The following FHIT variants were observed in gnomAD, a reference collection of about 807,000 sequenced individuals.
The protein encoded by FHIT is bis(5'-adenosyl)-triphosphatase.
A neutral mutation model predicts 17.9 loss-of-function variants in FHIT; 19 were observed. The observed-to-expected ratio is 1.06, with a 90% CI of 0.74 to 1.56. The LOEUF (loss-of-function observed/expected upper bound fraction) is 1.56. Among genes scored for constraint, FHIT ranks in the 40% most tolerant of loss-of-function variants. The pLI is 0.00. For synonymous variants in FHIT, 81 were observed against 69.7 expected (o/e 1.16, Z -0.81); for missense variants, 248 against 189.2 (o/e 1.31, Z -1.82).
chr3:59,979,370 ATATT>A (rs1708550994), intron 7 of FHIT, among the ~76,000 whole-genome samples: 1 of 152,126 alleles, frequency 6.6e-6, no homozygotes, highest in African/African-American at 2.4e-5. Flanking sequence ...TTCTTATCAC[ATATT>A]TTGCATGTGT....
chr3:60,016,437 G>C lies in FHIT; in HGVS notation c.104-2285C>G, dbSNP rs9883950. Among the ~76,000 whole-genome samples the C allele has an allele frequency of 3.0e-3, 452 of 152,254 alleles. 1 individual carries two copies. Among genetic ancestry groups the C allele is most frequent in the Non-Finnish European group, 3.8e-3 (258 of 68,002 alleles). On this transcript the variant is annotated intron_variant, in intron 5 of 9. Coordinates refer to ENST00000492590, the MANE Select transcript of FHIT (RefSeq NM_002012.4). ...TAAACTGGACTTTAAAAATTGGGGA[G>C]TGATTTAACCAGTGGATTGGGCTGG...
chr3:60,065,994 G>C (rs982209175), intron 5 of FHIT, among the ~76,000 whole-genome samples: 1 of 152,118 alleles, frequency 6.6e-6, no homozygotes, highest in African/African-American at 2.4e-5. Context: ...ACCTCCAGGA[G>C]GTCTTCTTGT....
At chr3:60,159,305 G>A (rs541414417) in intron 5 of FHIT, among the ~76,000 whole-genome samples, 1 of 152,226 alleles carries the variant, frequency 6.6e-6, no homozygotes, top group South Asian at 2.1e-4. Context: ...ATTTTTAGCA[G>A]AGACAGGGTT....
intron 5 of FHIT, among the ~76,000 whole-genome samples, chr3:60,085,857 G>C (rs1703472239): frequency 1.3e-5 from 2 of 152,208 alleles, no homozygotes; most frequent in Non-Finnish European, 2.9e-5. Flanking sequence ...TCTTTGGAAA[G>C]TCCCTCACAC....
chr3:59,873,430 G>A (rs955133847), intron 8 of FHIT, among the ~76,000 whole-genome samples: 1 of 152,124 alleles, frequency 6.6e-6, no homozygotes, highest in Non-Finnish European at 1.5e-5. Flanking sequence ...AGCCTTGAAT[G>A]GCCAATTAAC....
intron 5 of FHIT, among the ~76,000 whole-genome samples, chr3:60,127,595 T>C (rs564239767): frequency 1.3e-5 from 2 of 152,166 alleles, no homozygotes; most frequent in African/African-American, 4.8e-5. Context: ...GAACATTTTA[T>C]TTATTTTTTA....
At position 60,454,545 on chromosome 3, in the gene FHIT, C is replaced by A. The variant is rs59262204; in HGVS notation, c.103+82315G>T. On this transcript the variant is annotated intron_variant, in intron 5 of 9. Transcript: ENST00000492590. ...GACTACAGGCACCTGCCACCACACC[C>A]GGCTAATTTTTGGTATTTTTAGTAG... is the stretch of plus-strand genomic sequence containing the variant. Among the ~76,000 whole-genome samples, 706 of 151,968 alleles carry A rather than the reference C, an allele frequency of 4.6e-3. 10 individuals carry two copies. Among genetic ancestry groups the A allele is most frequent in the Middle Eastern group, 0.017 (5 of 294 alleles).
At chr3:60,171,189 T>TC (rs1450448883) in intron 5 of FHIT, among the ~76,000 whole-genome samples, 2 of 151,748 alleles carry the variant, frequency 1.3e-5, no homozygotes, top group Non-Finnish European at 2.9e-5. Context: ...AGGGATGCTA[T>TC]TTTTTTTTAA....
chr3:60,910,410 CTTTT>C (rs539012384), intron 3 of FHIT, among the ~76,000 whole-genome samples: 6 of 138,132 alleles, frequency 4.3e-5, no homozygotes, highest in Admixed American at 2.9e-4. Context: ...GTCTTTCTCT[CTTTT>C]TTTTTTTTTT....
chr3:59,927,611 C>A (rs1359073942), intron 7 of FHIT, among the ~76,000 whole-genome samples: 1 of 151,966 alleles, frequency 6.6e-6, no homozygotes, highest in East Asian at 1.9e-4. Flanking sequence ...ACTAAAAATA[C>A]ACAAAAAGTT....
At chr3:60,568,747 T>G (rs1055462160) in intron 4 of FHIT, among the ~76,000 whole-genome samples, 35 of 152,268 alleles carry the variant, frequency 2.3e-4, no homozygotes, top group African/African-American at 6.5e-4. Flanking sequence ...CCATTTTTAA[T>G]GAATTCCCTT....
At chr3:59,819,730 C>G (rs534093846) in intron 8 of FHIT, among the ~76,000 whole-genome samples, 5 of 152,104 alleles carry the variant, frequency 3.3e-5, no homozygotes, top group Non-Finnish European at 7.4e-5. Context: ...ATTTATTTAC[C>G]TATTCCTCTA....
chr3:60,813,563 A>C (rs1701637659), intron 4 of FHIT, among the ~76,000 whole-genome samples: 1 of 152,140 alleles, frequency 6.6e-6, no homozygotes, highest in Non-Finnish European at 1.5e-5. Flanking sequence ...GTGTTGTAAA[A>C]CATTACAATA....
intron 5 of FHIT, among the ~76,000 whole-genome samples, chr3:60,306,553 GCTC>G (rs1474368864): frequency 6.6e-6 from 1 of 152,100 alleles, no homozygotes; most frequent in Non-Finnish European, 1.5e-5. Context: ...AGACTGAGAG[GCTC>G]CTCAATTCCT....
chr3:61,064,953 C>T (rs988839965), intron 2 of FHIT, among the ~76,000 whole-genome samples: 4 of 152,186 alleles, frequency 2.6e-5, no homozygotes, highest in Non-Finnish European at 5.9e-5. Flanking sequence ...GCTCATTATA[C>T]TGCCAACTTA....
chr3:59,964,989 A>G (rs907809486), intron 7 of FHIT, among the ~76,000 whole-genome samples: 2 of 152,138 alleles, frequency 1.3e-5, no homozygotes, highest in Non-Finnish European at 2.9e-5. Context: ...TTATAGCACA[A>G]AGTCTTATTC....
At chr3:60,531,434 A>G (rs865902422) in intron 5 of FHIT, among the ~76,000 whole-genome samples, 2 of 151,624 alleles carry the variant, frequency 1.3e-5, no homozygotes, top group African/African-American at 2.4e-5. Context: ...GCCCGCTACC[A>G]CGCCCGGCTA....
intron 5 of FHIT, among the ~76,000 whole-genome samples, chr3:60,168,747 C>T (rs1360547528): frequency 1.3e-5 from 2 of 152,186 alleles, no homozygotes; most frequent in African/African-American, 2.4e-5. Context: ...TCTCCTGTAA[C>T]TTGTCAATGG....
At chr3:59,881,397 T>A (rs1703404981) in intron 8 of FHIT, among the ~76,000 whole-genome samples, 2 of 152,152 alleles carry the variant, frequency 1.3e-5, no homozygotes, top group East Asian at 1.9e-4. Flanking sequence ...AGGAAGGGGG[T>A]ACGGGCAATA....
Sources: gnomAD v4.1 joint callset for allele counts (sites outside exome capture counted in the v4.1 genomes callset) on GRCh38, gnomAD v4.1.1 for gene constraint, MANE v1.5 for transcripts, NCBI Gene and HGNC (gene_info 2026-07-23, HGNC 2026-07-21) for gene names.